RHOU: variants seen among roughly 807,000 people sequenced by gnomAD.
The protein encoded by RHOU is rho-related GTP-binding protein RhoU.
In RHOU, 8 loss-of-function variants were observed where a neutral mutation model predicts 12.6. That is an observed-to-expected ratio of 0.64 (90% CI 0.37 to 1.15). The LOEUF is 1.15. Among genes scored for constraint, RHOU ranks in the 50% most tolerant of loss-of-function variants. RHOU has a pLI of 0.01. For missense variants in RHOU, 258 were observed against 347.0 expected, an observed-to-expected ratio of 0.74 and a Z score of 2.04; for synonymous variants, 161 against 147.4, an observed-to-expected ratio of 1.09 and a Z score of -0.67.
At chr1:228,696,704 T>C in the RHOU span, among the ~76,000 whole-genome samples, 1 of 152,004 alleles carries the variant, frequency 6.6e-6, no homozygotes. Context: ...TGCACCACCA[T>C]GCCTGGCTAA....
At chr1:228,709,448 T>C in the RHOU span, among the ~76,000 whole-genome samples, 1 of 150,628 alleles carries the variant, frequency 6.6e-6, no homozygotes, top group Admixed American at 6.6e-5. Context: ...ACAGAAATTA[T>C]AACAAACTAT....
chr1:228,729,147 G>C, the RHOU span, among the ~76,000 whole-genome samples: 1 of 152,168 alleles, frequency 6.6e-6, no homozygotes, highest in African/African-American at 2.4e-5. Context: ...ACCTGCCTGG[G>C]CCTCTCAAAG....
chr1:228,673,995 G>A, the RHOU span, among the ~76,000 whole-genome samples: 5 of 152,156 alleles, frequency 3.3e-5, no homozygotes, highest in African/African-American at 1.2e-4. Context: ...ACCAATTTAC[G>A]CTTCCCATCA....
Position 228,743,885 on chromosome 1 carries a change from T to C in RHOU, c.*145T>C. ...TAGGAGGAGCTCTCAATTTTATGTA[T>C]TCTTTCTGCCTTTAATTTTCTTGTT... On this transcript the variant is annotated 3_prime_UTR_variant, in exon 3 of 3. Coordinates refer to ENST00000366691, the MANE Select transcript of RHOU (RefSeq NM_021205.6). This position sits in a 1 kb window ranked among gnomAD's most constrained non-coding sequence, Gnocchi z 5.1. 3.0e-6 allele frequency: 2 copies of C among 667,136 alleles called. No homozygotes were observed. The allele number at this position is 667,136 out of a possible 1,614,324, so 41.3% of individuals were successfully genotyped here. A position where few individuals can be genotyped will look rare whatever the true frequency, so the allele number is the denominator to read the frequency against.
chr1:228,694,770 C>T, the RHOU span, among the ~76,000 whole-genome samples: 3 of 152,126 alleles, frequency 2.0e-5, no homozygotes, highest in African/African-American at 7.2e-5. Context: ...GTGAACAGTG[C>T]TGCAGTGAAT....
the RHOU span, among the ~76,000 whole-genome samples, chr1:228,707,845 C>T: frequency 1.3e-5 from 2 of 152,194 alleles, no homozygotes; most frequent in East Asian, 3.9e-4. Context: ...AGGCTTCAGA[C>T]AATCAAATTA....
At chr1:228,728,171 A>C in the RHOU span, among the ~76,000 whole-genome samples, 5 of 152,196 alleles carry the variant, frequency 3.3e-5, no homozygotes, top group African/African-American at 1.2e-4. Context: ...GAGGAAAATA[A>C]ACCAAGACTA....
the RHOU span, chr1:228,687,948 T>G: frequency 1.5e-6 from 1 of 681,362 alleles, no homozygotes; most frequent in Admixed American, 2.0e-5. Flanking sequence ...CCTCTGTCCC[T>G]TCCTTCCTTC....
Position 228,737,602 on chromosome 1 carries a change from G to A in RHOU, c.263-71G>A. 1 of 1,416,164 alleles carries A rather than the reference G, an allele frequency of 7.1e-7. No individual in the cohort carries two copies. Among genetic ancestry groups the A allele is most frequent in the South Asian group, 1.2e-5 (1 of 86,616 alleles). 87.7% of individuals were successfully genotyped at this position (1,416,164 alleles called of 1,614,324 possible). On this transcript the variant is annotated intron_variant, in intron 1 of 2. Coordinates refer to ENST00000366691, the MANE Select transcript of RHOU (RefSeq NM_021205.6). This position sits in a 1 kb window ranked among gnomAD's most constrained non-coding sequence, Gnocchi z 4.1. ...GTTTGGAGTGAGAATGATAGTGAAA[G>A]CTAAAACTATTAGTATTCCGAAAGG...
the RHOU span, among the ~76,000 whole-genome samples, chr1:228,697,295 T>A: frequency 2.5e-3 from 384 of 152,356 alleles, 4 homozygotes; most frequent in Non-Finnish European, 4.6e-4. Flanking sequence ...AAATTTTATC[T>A]TGTGTAAGGC....
At chr1:228,685,795 A>G in the RHOU span, among the ~76,000 whole-genome samples, 1 of 152,166 alleles carries the variant, frequency 6.6e-6, no homozygotes, top group Non-Finnish European at 1.5e-5. Flanking sequence ...CTTTAGTGAA[A>G]CCCTTAATCA....
chr1:228,659,765 C>T, the RHOU span, among the ~76,000 whole-genome samples: 3 of 151,926 alleles, frequency 2.0e-5, no homozygotes, highest in South Asian at 4.1e-4. Context: ...AGGCGGATCA[C>T]TTGAGGTCAG....
At chr1:228,706,409 G>A in the RHOU span, among the ~76,000 whole-genome samples, 2 of 152,222 alleles carry the variant, frequency 1.3e-5, no homozygotes, top group African/African-American at 4.8e-5. Flanking sequence ...ACAGAAAAAG[G>A]AAAGTGATGT....
chr1:228,728,581 G>A, the RHOU span, among the ~76,000 whole-genome samples: 2 of 152,186 alleles, frequency 1.3e-5, no homozygotes, highest in African/African-American at 4.8e-5. Context: ...TTTACAATAT[G>A]TGATTAGCAC....
chr1:228,646,753 C>G, the RHOU span, among the ~76,000 whole-genome samples: 6 of 152,058 alleles, frequency 3.9e-5, no homozygotes, highest in Non-Finnish European at 8.8e-5. Flanking sequence ...CAGACACACC[C>G]GTTCGTTCTC....
At chr1:228,741,183 G>A (rs1662715237) in intron 2 of RHOU, among the ~76,000 whole-genome samples, 1 of 152,130 alleles carries the variant, frequency 6.6e-6, no homozygotes, top group African/African-American at 2.4e-5. Flanking sequence ...AGACTTCTGT[G>A]CAGTGTCCGT....
the RHOU span, among the ~76,000 whole-genome samples, chr1:228,665,789 A>G: frequency 2.6e-5 from 4 of 152,206 alleles, no homozygotes; most frequent in African/African-American, 9.7e-5. Flanking sequence ...ATTGGTGAGG[A>G]CAGATCATTT....
chr1:228,659,073 G>A, the RHOU span, among the ~76,000 whole-genome samples: 1 of 145,666 alleles, frequency 6.9e-6, no homozygotes, highest in Non-Finnish European at 1.5e-5. Context: ...AAATGCTTAC[G>A]TTTTAAAAAA....
the RHOU span, among the ~76,000 whole-genome samples, chr1:228,728,438 C>T: frequency 2.2e-3 from 339 of 152,044 alleles, no homozygotes; most frequent in African/African-American, 7.7e-3. Context: ...AAGATGATAC[C>T]CCCATTAAAA....
Sources: gnomAD v4.1 joint callset for allele counts (sites outside exome capture counted in the v4.1 genomes callset) on GRCh38, gnomAD v4.1.1 for gene constraint, Gnocchi (gnomAD v3.1) non-coding constraint, MANE v1.5 for transcripts, NCBI Gene and HGNC (gene_info 2026-07-23, HGNC 2026-07-21) for gene names.